The following DNAH17 variants were observed in gnomAD, a reference collection of about 807,000 sequenced individuals.
DNAH17 encodes the protein dynein axonemal heavy chain 17.
In DNAH17, 376 loss-of-function variants were observed where a neutral mutation model predicts 485.6. The observed-to-expected ratio is 0.77, with a 90% CI of 0.71 to 0.84. DNAH17 has a LOEUF of 0.84. Ranked by LOEUF, DNAH17 falls within the 40% of genes least tolerant of loss-of-function variation. DNAH17 has a pLI of 0.00. For synonymous variants in DNAH17, 3,031 were observed against 2,405.9 expected, an observed-to-expected ratio of 1.26 and a Z score of -7.60; for missense variants, 6,370 against 5,839.3, an observed-to-expected ratio of 1.09 and a Z score of -2.96.
rs1166733127 is a variant in DNAH17 at position 78,560,915 on chromosome 17, G to T, written c.1856C>A (p.Ala619Asp). Residue 619 changes from alanine (A) to aspartate (D), a missense_variant, in exon 13 of 81, where the codon GCC becomes GAC. By Grantham distance (126) the Ala-to-Asp change is moderately radical. Transcript: ENST00000389840. ...GTCATACTTCTGATAGGTCAGCTTG[G>T]CCTCTGCTCCAGACATGACCCTGGA... ...VEHPVMSGAE[A>D]KLTYQKYDEM... 6.5e-7 allele frequency: 1 copy of T among 1,550,216 alleles called. No individual in the cohort carries two copies.
Position 78,537,492 on chromosome 17 carries a change from G to A in DNAH17, c.2677-11C>T, listed in dbSNP as rs761843860. On this transcript the variant is annotated splice_polypyrimidine_tract_variant and intron_variant, in intron 18 of 80. Coordinates refer to ENST00000389840, the MANE Select transcript of DNAH17 (RefSeq NM_173628.4). ...GGGAGCGATACTCTCCTGAAAGAGGGGTGGGGTTGGCAGTGGTCAACACCT... is the reference window on the plus strand; with the variant it reads ...GGGAGCGATACTCTCCTGAAAGAGGAGTGGGGTTGGCAGTGGTCAACACCT... The A allele has an allele frequency of 1.2e-6, 2 of 1,612,546 alleles. No individual in the cohort carries two copies. Among genetic ancestry groups the A allele is most frequent in the Non-Finnish European group, 8.5e-7 (1 of 1,179,550 alleles).
At chr17:78,564,016 A>G (rs1162808010) in intron 11 of DNAH17, among the ~76,000 whole-genome samples, 1 of 152,162 alleles carries the variant, frequency 6.6e-6, no homozygotes. Context: ...TCTTGACCCT[A>G]ACAGGTGCCA....
intron 49 of DNAH17, 46 bp from the exon 50 acceptor site, chr17:78,479,678 C>A (rs1192452272): frequency 1.2e-6 from 2 of 1,606,194 alleles, no homozygotes; most frequent in Non-Finnish European, 8.5e-7. Flanking sequence ...CTCTTGGGGA[C>A]CTGCCTGGGG....
chr17:78,545,847 T>G, intron 16 of DNAH17, among the ~76,000 whole-genome samples: 1 of 152,372 alleles, frequency 6.6e-6, no homozygotes, highest in Non-Finnish European at 1.5e-5. Context: ...ATATAGATTT[T>G]ACTTGATTTT....
chr17:78,482,841 G>C (rs1457189136), intron 48 of DNAH17, among the ~76,000 whole-genome samples: 1 of 152,306 alleles, frequency 6.6e-6, no homozygotes, highest in East Asian at 1.9e-4. Flanking sequence ...CCCTCCTGAA[G>C]ATCCTTCAGG....
At position 78,537,302 on chromosome 17, in the gene DNAH17, G is replaced by A. The variant is rs915025800; in HGVS notation, c.2856C>T (p.Tyr952=). Residue 952 remains tyrosine (Y), a synonymous_variant, in exon 19 of 81, where the codon TAC becomes TAT. Coordinates refer to ENST00000389840, the MANE Select transcript of DNAH17 (RefSeq NM_173628.4). ...GCCAGAAGAGGCCAGGACTGACCTTGTAGTTCATCCTGTCCTTGGCCAGCC... is the reference window on the plus strand; with the variant it reads ...GCCAGAAGAGGCCAGGACTGACCTTATAGTTCATCCTGTCCTTGGCCAGCC... The part of the protein sequence containing the change: ...IPRLAKDRMN[Y]KMDLEDNTDL... The A allele has an allele frequency of 1.3e-6, 2 of 1,561,410 alleles. No individual in the cohort carries two copies. Among genetic ancestry groups the A allele is most frequent in the African/African-American group, 2.7e-5 (2 of 73,548 alleles).
intron 17 of DNAH17, among the ~76,000 whole-genome samples, chr17:78,540,193 G>A (rs1030514670): frequency 2.3e-5 from 3 of 129,652 alleles, no homozygotes; most frequent in Non-Finnish European, 3.3e-5. Context: ...GGCTCAGAGG[G>A]CCACTCAGAA....
At chr17:78,528,286 G>T (rs1041215288) in intron 22 of DNAH17, among the ~76,000 whole-genome samples, 1 of 152,112 alleles carries the variant, frequency 6.6e-6, no homozygotes, top group African/African-American at 2.4e-5. Flanking sequence ...TTGACACAGG[G>T]TCTTGGCTCT....
intron 54 of DNAH17, among the ~76,000 whole-genome samples, chr17:78,473,887 A>ATCCTAACCAATGTAT (rs1291744104): frequency 7.5e-4 from 115 of 152,352 alleles, no homozygotes; most frequent in African/African-American, 2.5e-3. Flanking sequence ...TACCAATGTG[A>ATCCTAACCAATGTAT]ACTAACTCCA....
At chr17:78,503,344 A>ATTTTTTTT (rs34437723) in intron 31 of DNAH17, among the ~76,000 whole-genome samples, 2 of 129,412 alleles carry the variant, frequency 1.5e-5, no homozygotes, top group Non-Finnish European at 1.6e-5. Context: ...CACTCCCGGC[A>ATTTTTTTT]TTTTTTTTTT....
At chr17:78,524,511 G>A (rs1486268211) in intron 25 of DNAH17, among the ~76,000 whole-genome samples, 1 of 152,102 alleles carries the variant, frequency 6.6e-6, no homozygotes, top group East Asian at 1.9e-4. Context: ...ACCACATGAG[G>A]ATGCAGTGAG....
chr17:78,428,924 T>TTA (rs765650279), intron 76 of DNAH17, among the ~76,000 whole-genome samples, 197 bp downstream of exon 76: 29 of 103,298 alleles, frequency 2.8e-4, no homozygotes, highest in East Asian at 1.2e-3. Context: ...TTTCTTTCTT[T>TTA]AAAAAAAAAA....
intron 9 of DNAH17, 25 bp downstream of exon 9, chr17:78,569,140 CA>C (rs752058576): frequency 7.7e-6 from 12 of 1,555,566 alleles, no homozygotes; most frequent in Non-Finnish European, 9.6e-6. Flanking sequence ...AAGTGGAGGT[CA>C]AGATGCACCG....
At chr17:78,475,127 G>A (rs2088955751) in intron 54 of DNAH17, 151 bp downstream of exon 54, 2 of 929,898 alleles carry the variant, frequency 2.2e-6, no homozygotes, top group South Asian at 1.7e-5. Context: ...TCTGGCCTCT[G>A]CTTTCTAAGA....
At chr17:78,469,142 GTCTTTT>G (rs2088629927) in intron 54 of DNAH17, among the ~76,000 whole-genome samples, 1 of 149,638 alleles carries the variant, frequency 6.7e-6, no homozygotes, top group Non-Finnish European at 1.5e-5. Flanking sequence ...TCTTTTTTCT[GTCTTTT>G]TCTTTTTTTT....
At chr17:78,521,132 G>A (rs1424695852) in intron 25 of DNAH17, among the ~76,000 whole-genome samples, 3 of 152,308 alleles carry the variant, frequency 2.0e-5, no homozygotes, top group South Asian at 4.1e-4. Context: ...GGGGCCAGGC[G>A]CTGTGGCTCA....
intron 55 of DNAH17, 81 bp downstream of exon 55, chr17:78,468,536 A>G: frequency 6.8e-7 from 1 of 1,464,686 alleles, no homozygotes. Context: ...CTCCTGCTCT[A>G]TGCAGAGCAA....
chr17:78,457,657 C>CTTTTTT (rs71160297), intron 62 of DNAH17, among the ~76,000 whole-genome samples: 1 of 66,780 alleles, frequency 1.5e-5, no homozygotes, highest in African/African-American at 5.6e-5. Flanking sequence ...CCGTGCCTGG[C>CTTTTTT]TTTTTTTTTT....
At position 78,534,335 on chromosome 17, in the gene DNAH17, TGAG is replaced by T. The variant is rs146098626; in HGVS notation, c.2860-1602_2860-1600del. Among the ~76,000 whole-genome samples the T allele has an allele frequency of 1.8e-3, 273 of 152,228 alleles. 1 individual carries two copies. Among genetic ancestry groups the T allele is most frequent in the African/African-American group, 5.9e-3 (244 of 41,552 alleles). On this transcript the variant is annotated intron_variant, in intron 19 of 80. Coordinates refer to ENST00000389840, the MANE Select transcript of DNAH17 (RefSeq NM_173628.4). ...GGGTGGCACGAGGAAACGGTGTAAT[TGAG>T]GAGGTGAAGTCAGTGGGGCTGGGAT...
Sources: gnomAD v4.1 joint callset for allele counts (sites outside exome capture counted in the v4.1 genomes callset) on GRCh38, gnomAD v4.1.1 for gene constraint, MANE v1.5 for transcripts, NCBI Gene and HGNC (gene_info 2026-07-23, HGNC 2026-07-21) for gene names.